The following FAR1 variants were observed in gnomAD, a reference collection of about 807,000 sequenced individuals.
The protein encoded by FAR1 is fatty acyl-CoA reductase 1, also known as male sterility domain-containing protein 2.
In FAR1, 22 loss-of-function variants were observed where a neutral mutation model predicts 61.1. That is an observed-to-expected ratio of 0.36 (90% CI 0.26 to 0.51). The LOEUF (loss-of-function observed/expected upper bound fraction) is 0.51. Among genes scored for constraint, FAR1 ranks in the 20% least tolerant of loss-of-function variants. The pLI is 0.95. For missense variants in FAR1, 359 were observed against 626.9 expected, an observed-to-expected ratio of 0.57 and a Z score of 4.56; for synonymous variants, 206 against 209.7, an observed-to-expected ratio of 0.98 and a Z score of 0.15.
chr11:13,676,711 G>A (rs1848072735), intron 1 of FAR1, among the ~76,000 whole-genome samples: 2 of 152,158 alleles, frequency 1.3e-5, no homozygotes, highest in Admixed American at 1.3e-4. Flanking sequence ...CAGGAGATAG[G>A]AACAGGTGAA....
At chr11:13,701,522 A>G (rs1848374760) in intron 3 of FAR1, among the ~76,000 whole-genome samples, 1 of 152,128 alleles carries the variant, frequency 6.6e-6, no homozygotes, top group Non-Finnish European at 1.5e-5. Context: ...CCCTGTCTCT[A>G]TAAGCAAAAT....
intron 1 of FAR1, among the ~76,000 whole-genome samples, chr11:13,679,974 T>G (rs945804257): frequency 6.6e-6 from 1 of 151,836 alleles, no homozygotes; most frequent in Admixed American, 6.6e-5. Context: ...ATATAGACAG[T>G]TAAATATTGG....
rs761426511 is a variant in FAR1, at chr11:13,707,883, T to C, written c.366-17T>C. 6.8e-7 allele frequency: 1 copy of C among 1,472,132 alleles called. No individual in the cohort carries two copies. The highest frequency in any genetic ancestry group is 9.0e-7 in the Non-Finnish European group (1 of 1,105,118). The allele number at this position is 1,472,132 out of a possible 1,614,324, so 91.2% of individuals were successfully genotyped here. A position where few individuals can be genotyped will look rare whatever the true frequency, so the allele number is the denominator to read the frequency against. On this transcript the variant is annotated splice_polypyrimidine_tract_variant and intron_variant, in intron 3 of 11. Transcript: ENST00000354817. ...TAGCTTCCCAATTTTCTATTGTCAC[T>C]TTTTCTTTTTAAACAGAGATGCTGT...
intron 1 of FAR1, among the ~76,000 whole-genome samples, chr11:13,693,207 A>G (rs576504091): frequency 1.3e-5 from 2 of 152,346 alleles, no homozygotes; most frequent in Admixed American, 6.5e-5. Flanking sequence ...AAAAAATCAC[A>G]AAAAAGCTAA....
chr11:13,674,329 AAAAG>A (rs1447812062), intron 1 of FAR1, among the ~76,000 whole-genome samples: 75 of 152,044 alleles, frequency 4.9e-4, no homozygotes, highest in Non-Finnish European at 9.1e-4. Context: ...AAAAAAGAAA[AAAAG>A]AAAATTCAAA....
At chr11:13,693,399 T>G (rs1189457882) in intron 1 of FAR1, among the ~76,000 whole-genome samples, 1 of 152,194 alleles carries the variant, frequency 6.6e-6, no homozygotes, top group African/African-American at 2.4e-5. Context: ...ATCCACTGCC[T>G]CCTCCACCTT....
intron 1 of FAR1, among the ~76,000 whole-genome samples, chr11:13,689,559 T>C (rs1848224991): frequency 6.6e-6 from 1 of 152,164 alleles, no homozygotes; most frequent in Admixed American, 6.5e-5. Flanking sequence ...AACACTTGGG[T>C]TTTATTTTGG....
rs764946899 is a variant in FAR1 at position 13,707,902 on chromosome 11, A to G, written c.368A>G (p.Asp123Gly). Residue 123 changes from aspartate (D) to glycine (G), a missense_variant and splice_region_variant, in exon 4 of 12, where the codon GAT becomes GGT. Physicochemically the swap from Asp to Gly is moderately conservative, Grantham distance 94. This residue lies in a region of FAR1 where 344 missense variants were observed against 570.3 expected (regional missense o/e 0.60). Transcript: ENST00000354817. Reference protein sequence around the residue: ...ATVRFNENLRDAVQLNVIATR... With the variant: ...ATVRFNENLRGAVQLNVIATR... ...TGTCACTTTTTCTTTTTAAACAGAG[A>G]TGCTGTTCAGTTAAATGTGATTGCA... 5.2e-6 allele frequency: 8 copies of G among 1,549,042 alleles called. No individual in the cohort carries two copies. Among genetic ancestry groups the G allele is most frequent in the South Asian group, 1.3e-5 (1 of 79,050 alleles).
chr11:13,674,273 C>T (rs1406318566), intron 1 of FAR1, among the ~76,000 whole-genome samples: 1 of 146,936 alleles, frequency 6.8e-6, no homozygotes, highest in Non-Finnish European at 1.5e-5. Context: ...AGCGCCACTG[C>T]ACTCCAGCCT....
intron 8 of FAR1, among the ~76,000 whole-genome samples, chr11:13,713,559 A>C (rs1848524187): frequency 6.6e-6 from 1 of 152,190 alleles, no homozygotes; most frequent in Admixed American, 6.6e-5. Context: ...GGAATAGCAT[A>C]ACTTAAATAG....
rs1002378630 is a variant in FAR1 at position 13,721,956 on chromosome 11, A to G, written c.1257+97A>G. The G allele has an allele frequency of 1.7e-5, 17 of 972,728 alleles. No homozygotes were observed. Among genetic ancestry groups the G allele is most frequent in the Non-Finnish European group, 2.4e-5 (16 of 674,468 alleles). 60.3% of individuals were successfully genotyped at this position (972,728 alleles called of 1,614,324 possible). On this transcript the variant is annotated intron_variant, in intron 10 of 11. Transcript: ENST00000354817. The surrounding 1 kb of genome is among the most constrained non-coding windows in gnomAD (Gnocchi z 4.2). ...GAAATATTTTCCACAGCTATTATGC[A>G]ACAAGTAAGCCATTATTTATAGTCT... is the stretch of plus-strand genomic sequence containing the variant.
At chr11:13,710,924 A>G (rs1848491586) in intron 5 of FAR1, 54 bp downstream of exon 5, 3 of 1,488,322 alleles carry the variant, frequency 2.0e-6, no homozygotes, top group Admixed American at 2.1e-5. Context: ...TTAAGTTGTA[A>G]CTCTGTATAA....
chr11:13,709,970 C>T (rs1591267353), intron 4 of FAR1, among the ~76,000 whole-genome samples: 3 of 152,028 alleles, frequency 2.0e-5, no homozygotes, highest in East Asian at 3.8e-4. Flanking sequence ...TACAGATGAA[C>T]AGAGTAGACC....
At chr11:13,673,573 A>G (rs537441186) in intron 1 of FAR1, among the ~76,000 whole-genome samples, 69 of 152,322 alleles carry the variant, frequency 4.5e-4, no homozygotes, top group African/African-American at 1.5e-3. Context: ...AAAATGCCAC[A>G]AGCCTTAGGT....
intron 1 of FAR1, among the ~76,000 whole-genome samples, chr11:13,683,329 G>A (rs557004543): frequency 7.9e-5 from 12 of 151,294 alleles, no homozygotes; most frequent in African/African-American, 2.9e-4. Context: ...GGAGGTGGAG[G>A]TTGCAGTGAG....
chr11:13,672,655 A>G (rs1471500499), intron 1 of FAR1, among the ~76,000 whole-genome samples: 1 of 147,558 alleles, frequency 6.8e-6, no homozygotes, highest in East Asian at 1.9e-4. Context: ...AACTTGGGGT[A>G]GGAGAGAAGA....
intron 3 of FAR1, among the ~76,000 whole-genome samples, chr11:13,705,069 T>G (rs1216057221): frequency 6.6e-6 from 1 of 152,132 alleles, no homozygotes; most frequent in East Asian, 1.9e-4. Flanking sequence ...GTTGAGCTTT[T>G]TTTTCTTTTT....
intron 1 of FAR1, among the ~76,000 whole-genome samples, chr11:13,671,470 TAAAGG>T (rs1172079253): frequency 1.3e-5 from 2 of 152,148 alleles, no homozygotes; most frequent in African/African-American, 2.4e-5. Context: ...AGATAGGTAG[TAAAGG>T]AAAGAGCATA....
rs190920777 is a variant in FAR1, at chr11:13,669,233, G to A, written c.-8+427G>A. ...CGGGTCTGGGGAGGAAGAAAGTGGT[G>A]GGAAATAGGTGATGCTCAGAAAAGG... On this transcript the variant is annotated intron_variant, in intron 1 of 11. Coordinates refer to ENST00000354817, the MANE Select transcript of FAR1 (RefSeq NM_032228.6). 517 of 152,850 alleles carry A rather than the reference G, an allele frequency of 3.4e-3. 12 individuals are homozygous for A. The highest frequency in any genetic ancestry group is 9.2e-4 in the Non-Finnish European group (63 of 68,452). The allele number at this position is 152,850 out of a possible 1,614,324, so 9.5% of individuals were successfully genotyped here. A position where few individuals can be genotyped will look rare whatever the true frequency, so the allele number is the denominator to read the frequency against.
Sources: allele counts gnomAD v4.1 joint callset (sites outside exome capture counted in the v4.1 genomes callset), GRCh38; gene constraint gnomAD v4.1.1; regional missense constraint gnomAD v4.1.1; non-coding constraint Gnocchi (gnomAD v3.1); transcripts MANE v1.5; gene names NCBI Gene and HGNC (gene_info 2026-07-23, HGNC 2026-07-21).